ATP10A: variants seen among roughly 807,000 people sequenced by gnomAD.
ATP10A encodes phospholipid-transporting ATPase VA.
In ATP10A, 111 loss-of-function variants were observed where a neutral mutation model predicts 147.8. The ratio of observed to expected loss-of-function variants is 0.75; its 90% CI spans 0.64 to 0.88. ATP10A has a LOEUF of 0.88. ATP10A is among the 40% of genes least tolerant of loss of function. The pLI is 0.00. For synonymous variants in ATP10A, 875 were observed against 841.6 expected (o/e 1.04, Z -0.69); for missense variants, 1,927 against 1,959.0 (o/e 0.98, Z 0.31).
intron 1 of ATP10A, among the ~76,000 whole-genome samples, chr15:25,839,477 C>T (rs777586161): frequency 2.0e-5 from 3 of 152,088 alleles, no homozygotes; most frequent in Non-Finnish European, 2.9e-5. Context: ...TGAGAGATGC[C>T]GTTGACCAAG....
chr15:25,806,461 T>C (rs1310510182), intron 1 of ATP10A, among the ~76,000 whole-genome samples: 9 of 152,126 alleles, frequency 5.9e-5, no homozygotes, highest in Non-Finnish European at 1.0e-4. Context: ...TATAGGCGCC[T>C]GCCACCACGC....
chr15:25,835,131 T>C (rs1892535637), intron 1 of ATP10A, among the ~76,000 whole-genome samples: 1 of 152,072 alleles, frequency 6.6e-6, no homozygotes, highest in Non-Finnish European at 1.5e-5. Flanking sequence ...TAGCTGGGCA[T>C]GATGGCATGA....
intron 2 of ATP10A, among the ~76,000 whole-genome samples, chr15:25,758,572 C>CCACCTGCTCCACCCTAACTCATTCCGAT (rs1596828317): frequency 1.4e-4 from 8 of 59,184 alleles, no homozygotes; most frequent in Admixed American, 1.8e-4. Context: ...CTCATTCCGA[C>CCACCTGCTCCACCCTAACTCATTCCGAT]CACCTGCTCC....
rs1190725084 is a variant in ATP10A, at chr15:25,863,152, T to C, written c.-56A>G. 1.0e-5 allele frequency: 11 copies of C among 1,077,726 alleles called. No individual in the cohort carries two copies. Among genetic ancestry groups the C allele is most frequent in the Non-Finnish European group, 1.2e-5 (11 of 884,842 alleles). The allele number at this position is 1,077,726 out of a possible 1,614,324, so 66.8% of individuals were successfully genotyped here. On this transcript the variant is annotated 5_prime_UTR_variant, in exon 1 of 21. Coordinates refer to ENST00000555815, the MANE Select transcript of ATP10A (RefSeq NM_024490.4). ...CCGCTCACGCCCGCCCGCGCCGGCCTCTTAGGTTATCATCACTCGCGGCCC... is the reference window on the plus strand; with the variant it reads ...CCGCTCACGCCCGCCCGCGCCGGCCCCTTAGGTTATCATCACTCGCGGCCC...
chr15:25,688,397 C>T (rs998053316), intron 15 of ATP10A, among the ~76,000 whole-genome samples: 7 of 152,126 alleles, frequency 4.6e-5, no homozygotes, highest in Admixed American at 2.0e-4. Context: ...GGGCAGTGGC[C>T]GTGTGCAGGA....
Position 25,788,277 on chromosome 15 carries a change from G to A in ATP10A, c.450-7054C>T, listed in dbSNP as rs1327559744. ...CTTTCATTTAGGGTCACAAAGCCAC[G>A]GTGCACACACAGTCTCAAGTGCATT... is the stretch of plus-strand genomic sequence containing the variant. On this transcript the variant is annotated intron_variant, in intron 1 of 20. Transcript: ENST00000555815. 2.0e-5 allele frequency among the ~76,000 whole-genome samples: 3 copies of A among 152,192 alleles called. No homozygotes were observed. The East Asian group carries it at 5.8e-4, about 29-fold the overall frequency.
intron 1 of ATP10A, among the ~76,000 whole-genome samples, chr15:25,833,188 G>A (rs1017377847): frequency 4.6e-5 from 7 of 151,952 alleles, no homozygotes; most frequent in African/African-American, 1.7e-4. Flanking sequence ...TCACCATGTT[G>A]GCTGGGCTGG....
In ATP10A at chr15:25,843,968, T is replaced by C. The variant is rs530618700; in HGVS notation, c.449+18680A>G. On this transcript the variant is annotated intron_variant, in intron 1 of 20. Transcript: ENST00000555815. ...TTAGAGTGCTTGTCTGAAATGACAC[T>C]ATCACCCACCGCCAAAACTGAGACA... Among the ~76,000 whole-genome samples, 13 of 152,208 alleles carry C rather than the reference T, an allele frequency of 8.5e-5. No individual in the cohort carries two copies. The East Asian group carries it at 1.7e-3, about 20-fold the overall frequency.
rs529261853 is a variant in ATP10A at position 25,693,721 on chromosome 15, C to T, written c.3088+1098G>A. Among the ~76,000 whole-genome samples, 4 of 152,342 alleles carry T rather than the reference C, an allele frequency of 2.6e-5. No homozygotes were observed. In the South Asian group the frequency reaches 6.2e-4, roughly 24 times the overall value. ...GTTCCCCGGGCCTCCTGAACACGTG[C>T]CCTGTGCCCACTCTCCTTAGCGGTT... On this transcript the variant is annotated intron_variant, in intron 14 of 20. Transcript: ENST00000555815.
intron 12 of ATP10A, among the ~76,000 whole-genome samples, chr15:25,704,114 A>C (rs577592795): frequency 5.3e-5 from 8 of 152,300 alleles, no homozygotes; most frequent in Admixed American, 2.0e-4. Context: ...AGGGGGGCAG[A>C]CTGTGTGTGG....
chr15:25,786,414 A>T (rs1369810747), intron 1 of ATP10A, among the ~76,000 whole-genome samples: 2 of 152,160 alleles, frequency 1.3e-5, no homozygotes, highest in Non-Finnish European at 2.9e-5. Flanking sequence ...GAAGGCAGAC[A>T]GTCCTCTTGC....
intron 8 of ATP10A, 64 bp downstream of exon 8, chr15:25,718,118 C>T (rs1031048656): frequency 3.8e-5 from 57 of 1,519,992 alleles, no homozygotes; most frequent in African/African-American, 2.3e-4. Flanking sequence ...CTTCCATGAG[C>T]GGGGGATGGT....
Position 25,716,876 on chromosome 15 carries a change from A to G in ATP10A, c.1630T>C (p.Cys544Arg), listed in dbSNP as rs1451519277. The G allele has an allele frequency of 6.2e-7, 1 of 1,603,608 alleles. No homozygotes were observed. The highest frequency in any genetic ancestry group is 8.5e-7 in the Non-Finnish European group (1 of 1,175,050). The change falls in exon 9 of 21, where the codon TGT becomes CGT. Residue 544 changes from cysteine (C) to arginine (R), a missense_variant. Physicochemically the swap from Cys to Arg is radical, Grantham distance 180 (BLOSUM62 -3). Transcript: ENST00000555815. ...CTCGCCACGGCTAGGCTCTTGTCAC[A>G]CTCACTCACCTTCTCCAGCAGCTTT... ...DPKLLEKVSE[C>R]DKSLAVARHQ...
intron 1 of ATP10A, among the ~76,000 whole-genome samples, chr15:25,813,898 G>C (rs1216990252): frequency 6.6e-6 from 1 of 151,886 alleles, no homozygotes; most frequent in Non-Finnish European, 1.5e-5. Context: ...GTAATCTATG[G>C]GACAACTTCT....
At chr15:25,733,231 G>T (rs1887049386) in intron 3 of ATP10A, among the ~76,000 whole-genome samples, 1 of 152,172 alleles carries the variant, frequency 6.6e-6, no homozygotes, top group Non-Finnish European at 1.5e-5. Context: ...AAGCAAACCA[G>T]GGAGGTGGCT....
intron 1 of ATP10A, among the ~76,000 whole-genome samples, chr15:25,836,894 A>G (rs1567421020): frequency 6.6e-6 from 1 of 152,152 alleles, no homozygotes; most frequent in African/African-American, 2.4e-5. Flanking sequence ...CGAAGGCAAG[A>G]CCCAGTATTT....
chr15:25,852,102 G>A (rs946353703), intron 1 of ATP10A, among the ~76,000 whole-genome samples: 2 of 152,026 alleles, frequency 1.3e-5, no homozygotes, highest in Non-Finnish European at 2.9e-5. Flanking sequence ...CACACCAGAA[G>A]CTGCTATCTT....
intron 1 of ATP10A, among the ~76,000 whole-genome samples, chr15:25,794,011 G>C (rs1274295717): frequency 6.6e-6 from 1 of 152,216 alleles, no homozygotes; most frequent in Non-Finnish European, 1.5e-5. Flanking sequence ...ATGGGAGGGA[G>C]AGAAGGGTTT....
intron 1 of ATP10A, among the ~76,000 whole-genome samples, chr15:25,791,376 T>C (rs575619519): frequency 6.2e-4 from 95 of 152,212 alleles, no homozygotes; most frequent in African/African-American, 2.3e-3. Context: ...CTGATTTATT[T>C]AGTTAGAGTC....
Sources: gnomAD v4.1 joint callset for allele counts (sites outside exome capture counted in the v4.1 genomes callset) on GRCh38, gnomAD v4.1.1 for gene constraint, MANE v1.5 for transcripts, NCBI Gene and HGNC (gene_info 2026-07-23, HGNC 2026-07-21) for gene names.